Variants in ZNF362 observed in about 807,000 individuals in gnomAD.
The protein encoded by ZNF362 is rotund homolog.
Under a neutral mutation model 42.9 loss-of-function variants are expected in ZNF362, and 11 were observed. That is an observed-to-expected ratio of 0.26 (90% CI 0.16 to 0.42). ZNF362 has a LOEUF of 0.42. ZNF362 is among the 20% of genes least tolerant of loss of function. The pLI, the probability that ZNF362 is intolerant of heterozygous loss-of-function variation, is 1.00. For synonymous variants in ZNF362, 255 were observed against 257.3 expected (o/e 0.99, Z 0.09); for missense variants, 362 against 576.2 (o/e 0.63, Z 3.81).
the ZNF362 span, among the ~76,000 whole-genome samples, chr1:33,178,899 G>C: frequency 6.6e-6 from 1 of 152,234 alleles, no homozygotes; most frequent in African/African-American, 2.4e-5. Flanking sequence ...CCAACATACA[G>C]TAATTTGGAT....
chr1:33,287,373 C>G (rs1484130055), intron 6 of ZNF362, among the ~76,000 whole-genome samples: 1 of 152,198 alleles, frequency 6.6e-6, no homozygotes, highest in East Asian at 1.9e-4. Context: ...GTAGCTCCAG[C>G]TACTCAGGAG....
At chr1:33,197,400 CCTGA>C in the ZNF362 span, among the ~76,000 whole-genome samples, 3 of 152,076 alleles carry the variant, frequency 2.0e-5, no homozygotes, top group East Asian at 5.8e-4. Flanking sequence ...TCTGGAGAAC[CCTGA>C]CTAATACAGA....
chr1:33,190,982 A>G, the ZNF362 span, among the ~76,000 whole-genome samples: 1 of 152,172 alleles, frequency 6.6e-6, no homozygotes, highest in Non-Finnish European at 1.5e-5. Flanking sequence ...AACACTTCCT[A>G]GCACCAGTTT....
the ZNF362 span, among the ~76,000 whole-genome samples, chr1:33,183,090 C>T: frequency 6.6e-6 from 1 of 152,164 alleles, no homozygotes; most frequent in Admixed American, 6.5e-5. Flanking sequence ...AGACTGGGCA[C>T]CCCTAAGGTG....
chr1:33,184,340 T>C, the ZNF362 span, among the ~76,000 whole-genome samples: 3 of 152,212 alleles, frequency 2.0e-5, no homozygotes, highest in East Asian at 1.9e-4. Context: ...GGAGATGTGA[T>C]GGAAATTGCT....
At chr1:33,244,351 C>G in the ZNF362 span, among the ~76,000 whole-genome samples, 1 of 152,210 alleles carries the variant, frequency 6.6e-6, no homozygotes, top group Admixed American at 6.5e-5. The surrounding 1 kb of genome is among the most constrained non-coding windows in gnomAD (Gnocchi z 4.0). Flanking sequence ...ATCACGTCAT[C>G]TCTTCCCTGA....
the ZNF362 span, among the ~76,000 whole-genome samples, chr1:33,160,484 A>C: frequency 6.6e-6 from 1 of 152,032 alleles, no homozygotes; most frequent in Admixed American, 6.5e-5. Context: ...GGATCATTGC[A>C]ACCTCCACCT....
At chr1:33,157,812 A>C in the ZNF362 span, among the ~76,000 whole-genome samples, 1 of 150,820 alleles carries the variant, frequency 6.6e-6, no homozygotes, top group Admixed American at 6.6e-5. Flanking sequence ...GCTGGAGTGC[A>C]GTGGCTCAGT....
At chr1:33,199,121 A>G in the ZNF362 span, among the ~76,000 whole-genome samples, 2 of 152,188 alleles carry the variant, frequency 1.3e-5, no homozygotes, top group African/African-American at 4.8e-5. Flanking sequence ...TTGAAGAAAC[A>G]TCTGAAAAAT....
chr1:33,146,804 C>T, the ZNF362 span: 1 of 287,046 alleles, frequency 3.5e-6, no homozygotes, highest in South Asian at 4.5e-5. Flanking sequence ...TTCGGGCTGC[C>T]AACTACTGGC....
chr1:33,161,424 G>A, the ZNF362 span, among the ~76,000 whole-genome samples: 2 of 152,152 alleles, frequency 1.3e-5, no homozygotes, highest in South Asian at 4.1e-4. This position sits in a 1 kb window ranked among gnomAD's most constrained non-coding sequence, Gnocchi z 4.3. Flanking sequence ...AGTTCATGGA[G>A]TCAGAAACCC....
chr1:33,185,556 C>T, the ZNF362 span, among the ~76,000 whole-genome samples: 1 of 152,144 alleles, frequency 6.6e-6, no homozygotes, highest in Non-Finnish European at 1.5e-5. Flanking sequence ...TCCCAGTGTT[C>T]AGTCCTTTTA....
chr1:33,157,429 G>A, the ZNF362 span, among the ~76,000 whole-genome samples: 13 of 151,810 alleles, frequency 8.6e-5, no homozygotes, highest in Non-Finnish European at 1.5e-4. Context: ...TTCTCAGTGC[G>A]GGCTGGTTCC....
the ZNF362 span, among the ~76,000 whole-genome samples, chr1:33,229,936 C>T: frequency 2.0e-5 from 3 of 152,098 alleles, no homozygotes; most frequent in Non-Finnish European, 4.4e-5. Context: ...TTTGAAGACA[C>T]AGATAGATGA....
In ZNF362 at chr1:33,281,884, T is replaced by G; in HGVS notation, c.908+73T>G. 1 of 1,520,880 alleles carries G rather than the reference T, an allele frequency of 6.6e-7. No homozygotes were observed. Among genetic ancestry groups the G allele is most frequent in the Non-Finnish European group, 9.0e-7 (1 of 1,105,732 alleles). 94.2% of individuals were successfully genotyped at this position (1,520,880 alleles called of 1,614,324 possible). A position where few individuals can be genotyped will look rare whatever the true frequency, so the allele number is the denominator to read the frequency against. ...CCCGTGGCCTGGCACATGGAGCCAG[T>G]GCAAGGAGGGGCAAGGACCTTCTCC... On this transcript the variant is annotated intron_variant, in intron 6 of 8. Transcript: ENST00000539719. This position sits in a 1 kb window ranked among gnomAD's most constrained non-coding sequence, Gnocchi z 4.8.
At chr1:33,147,147 C>A in the ZNF362 span, 1 of 1,602,888 alleles carries the variant, frequency 6.2e-7, no homozygotes, top group South Asian at 1.1e-5. The surrounding 1 kb of genome is among the most constrained non-coding windows in gnomAD (Gnocchi z 8.1). Flanking sequence ...GGCAGTGGTC[C>A]CAGGAGGTTG....
upstream of ZNF362, among the ~76,000 whole-genome samples, chr1:33,255,065 C>G (rs1645778136): frequency 6.6e-6 from 1 of 152,132 alleles, no homozygotes; most frequent in African/African-American, 2.4e-5. Flanking sequence ...AACATTCCAA[C>G]TAATTCATGC....
At chr1:33,289,546 T>C (rs866061690) in intron 6 of ZNF362, among the ~76,000 whole-genome samples, 4 of 152,122 alleles carry the variant, frequency 2.6e-5, no homozygotes, top group Non-Finnish European at 4.4e-5. Context: ...GCTTGGCTGG[T>C]TCCTGAGGAA....
At chr1:33,210,557 T>C in the ZNF362 span, among the ~76,000 whole-genome samples, 1 of 151,970 alleles carries the variant, frequency 6.6e-6, no homozygotes, top group Non-Finnish European at 1.5e-5. Flanking sequence ...TGCCTGGGAG[T>C]CTAAGTCTCT....
Sources: gnomAD v4.1 joint callset for allele counts (sites outside exome capture counted in the v4.1 genomes callset) on GRCh38, gnomAD v4.1.1 for gene constraint, Gnocchi (gnomAD v3.1) non-coding constraint, MANE v1.5 for transcripts, NCBI Gene and HGNC (gene_info 2026-07-23, HGNC 2026-07-21) for gene names.